Variants in LRP1B observed in about 807,000 individuals in gnomAD.
LRP1B encodes low-density lipoprotein receptor-related protein 1B.
Under a neutral mutation model 556.6 loss-of-function variants are expected in LRP1B, and 217 were observed. The observed-to-expected ratio is 0.39, with a 90% CI of 0.35 to 0.44. The LOEUF (loss-of-function observed/expected upper bound fraction) is 0.44. Ranked by LOEUF, LRP1B falls within the 20% of genes least tolerant of loss-of-function variation. The pLI is 1.00. For synonymous variants in LRP1B, 2,047 were observed against 1,865.8 expected, an observed-to-expected ratio of 1.10 and a Z score of -2.50; for missense variants, 5,053 against 5,620.8, an observed-to-expected ratio of 0.90 and a Z score of 3.23.
At chr2:141,230,078 C>T (rs1683402654) in intron 5 of LRP1B, among the ~76,000 whole-genome samples, 1 of 152,162 alleles carries the variant, frequency 6.6e-6, no homozygotes, top group Non-Finnish European at 1.5e-5. Context: ...AACAATGCAG[C>T]TTTGCTGGTA....
At chr2:142,095,738 A>G (rs1303849056) in intron 1 of LRP1B, among the ~76,000 whole-genome samples, 1 of 151,742 alleles carries the variant, frequency 6.6e-6, no homozygotes, top group Non-Finnish European at 1.5e-5. Context: ...AGTTAATGCT[A>G]ACATTTAATG....
At chr2:142,075,799 T>C (rs1414501261) in intron 1 of LRP1B, among the ~76,000 whole-genome samples, 3 of 152,098 alleles carry the variant, frequency 2.0e-5, no homozygotes, top group African/African-American at 7.2e-5. Flanking sequence ...TGATTTACCT[T>C]AGGGAAGTTC....
chr2:140,608,349 T>C (rs890412226), intron 41 of LRP1B, among the ~76,000 whole-genome samples: 16 of 152,202 alleles, frequency 1.1e-4, no homozygotes, highest in Non-Finnish European at 1.8e-4. Context: ...CCTAAAAAAC[T>C]GTGCAACTGT....
intron 1 of LRP1B, among the ~76,000 whole-genome samples, chr2:141,983,497 C>T (rs182099298): frequency 2.0e-5 from 3 of 152,166 alleles, no homozygotes; most frequent in Non-Finnish European, 4.4e-5. Context: ...AAGGATGAAC[C>T]TATCATAACA....
intron 2 of LRP1B, among the ~76,000 whole-genome samples, chr2:141,649,494 A>T (rs1448285247): frequency 6.6e-6 from 1 of 152,158 alleles, no homozygotes; most frequent in Non-Finnish European, 1.5e-5. Context: ...CTTAAGTTTT[A>T]TTAAGAAAAA....
In LRP1B at chr2:141,752,358, C is replaced by T. The variant is rs143487066; in HGVS notation, c.205+57921G>A. Among the ~76,000 whole-genome samples, 678 of 152,236 alleles carry T rather than the reference C, an allele frequency of 4.5e-3. 5 individuals carry two copies. The highest frequency in any genetic ancestry group is 0.016 in the African/African-American group (650 of 41,540). ...TCTCATAAGGAATTTCAAACATTTGCTTGACTCTGGAGGCCTGGCATACTA... is the reference window on the plus strand; with the variant it reads ...TCTCATAAGGAATTTCAAACATTTGTTTGACTCTGGAGGCCTGGCATACTA... On this transcript the variant is annotated intron_variant, in intron 2 of 90. Coordinates refer to ENST00000389484, the MANE Select transcript of LRP1B (RefSeq NM_018557.3).
chr2:141,344,226 T>A (rs921060048), intron 3 of LRP1B, among the ~76,000 whole-genome samples: 1 of 152,156 alleles, frequency 6.6e-6, no homozygotes, highest in Admixed American at 6.6e-5. Flanking sequence ...TAAAATTATG[T>A]CCCTCCTTTC....
chr2:140,255,990 T>C (rs1681658427), intron 86 of LRP1B, among the ~76,000 whole-genome samples: 1 of 152,164 alleles, frequency 6.6e-6, no homozygotes, highest in Non-Finnish European at 1.5e-5. Context: ...GTATGTAAAT[T>C]GTGTATCATT....
chr2:140,657,199 T>TA (rs34920664), intron 41 of LRP1B, among the ~76,000 whole-genome samples: 19,125 of 148,194 alleles, frequency 0.13, 1,239 homozygotes, highest in East Asian at 0.18. Flanking sequence ...AACATAAAAG[T>TA]AAAAAAAAAA....
intron 18 of LRP1B, among the ~76,000 whole-genome samples, chr2:140,968,713 G>C (rs1415240345): frequency 1.3e-5 from 2 of 152,108 alleles, no homozygotes; most frequent in African/African-American, 2.4e-5. Context: ...GTATCCCAGA[G>C]ATTCTGGTAT....
intron 41 of LRP1B, among the ~76,000 whole-genome samples, chr2:140,638,378 C>T (rs201328769): frequency 1.3e-5 from 2 of 152,098 alleles, no homozygotes; most frequent in African/African-American, 4.8e-5. Flanking sequence ...TTAAAAAAGA[C>T]AAGCCATAGA....
At chr2:142,035,863 A>G (rs1225191634) in intron 1 of LRP1B, among the ~76,000 whole-genome samples, 1 of 151,664 alleles carries the variant, frequency 6.6e-6, no homozygotes, top group Non-Finnish European at 1.5e-5. Flanking sequence ...ACCCAGTGGG[A>G]GGTAATTGAA....
intron 62 of LRP1B, among the ~76,000 whole-genome samples, chr2:140,455,583 GA>G (rs1687063576): frequency 6.6e-6 from 1 of 152,106 alleles, no homozygotes; most frequent in African/African-American, 2.4e-5. Flanking sequence ...CTGGCTCCCT[GA>G]AAAAGTTCTA....
At chr2:141,245,160 A>T (rs1684020855) in intron 5 of LRP1B, among the ~76,000 whole-genome samples, 1 of 152,218 alleles carries the variant, frequency 6.6e-6, no homozygotes, top group African/African-American at 2.4e-5. Context: ...TCAATATTTT[A>T]CATCAGAACT....
At chr2:140,370,101 T>G (rs913928962) in intron 71 of LRP1B, among the ~76,000 whole-genome samples, 1 of 152,050 alleles carries the variant, frequency 6.6e-6, no homozygotes, top group Non-Finnish European at 1.5e-5. Flanking sequence ...TATGGTGGTT[T>G]AAAACTAAAA....
chr2:142,020,655 T>A (rs1434061905), intron 1 of LRP1B, among the ~76,000 whole-genome samples: 2 of 152,158 alleles, frequency 1.3e-5, no homozygotes, highest in African/African-American at 2.4e-5. Context: ...AGTGAGTGGC[T>A]CAGCTAATTA....
At chr2:141,305,036 T>C (rs1218443006) in intron 3 of LRP1B, among the ~76,000 whole-genome samples, 1 of 152,212 alleles carries the variant, frequency 6.6e-6, no homozygotes, top group Non-Finnish European at 1.5e-5. Flanking sequence ...TACATTTTTG[T>C]TCTTTTTGCT....
At chr2:141,229,948 A>C (rs1683395417) in intron 5 of LRP1B, among the ~76,000 whole-genome samples, 1 of 152,178 alleles carries the variant, frequency 6.6e-6, no homozygotes. Context: ...AGAGCCAAAC[A>C]ATCACACATT....
chr2:141,434,342 C>A (rs1444367961), intron 3 of LRP1B, among the ~76,000 whole-genome samples: 1 of 152,110 alleles, frequency 6.6e-6, no homozygotes. Context: ...TTTGTTGATT[C>A]TTTTTTTCTG....
Sources: allele counts gnomAD v4.1 joint callset (sites outside exome capture counted in the v4.1 genomes callset), GRCh38; gene constraint gnomAD v4.1.1; transcripts MANE v1.5; gene names NCBI Gene and HGNC (gene_info 2026-07-23, HGNC 2026-07-21).